The following GRIN2A variants were observed in gnomAD, a reference collection of about 807,000 sequenced individuals.
The protein encoded by GRIN2A is glutamate ionotropic receptor NMDA type subunit 2A, also known as glutamate receptor ionotropic, NMDA 2A.
GRIN2A carries 22 observed loss-of-function variants against 113.4 expected under a neutral mutation model. That is an observed-to-expected ratio of 0.19 (90% CI 0.14 to 0.28). The LOEUF (loss-of-function observed/expected upper bound fraction) is 0.28. GRIN2A is among the 10% of genes least tolerant of loss of function. GRIN2A has a pLI of 1.00. For missense variants in GRIN2A, 1,502 were observed against 1,887.0 expected (o/e 0.80, Z 3.78); for synonymous variants, 827 against 738.4 (o/e 1.12, Z -1.94).
intron 11 of GRIN2A, among the ~76,000 whole-genome samples, chr16:9,782,522 C>G (rs1020789940): frequency 1.9e-4 from 29 of 152,164 alleles, no homozygotes; most frequent in Admixed American, 2.6e-4. Context: ...ATAAATTTTG[C>G]ACGAGCCTAT....
intron 4 of GRIN2A, among the ~76,000 whole-genome samples, chr16:9,859,641 CACAG>C (rs1025790172): frequency 6.6e-5 from 10 of 150,794 alleles, no homozygotes; most frequent in African/African-American, 2.5e-4. Context: ...CACACACACA[CACAG>C]AGAGGATATG....
intron 7 of GRIN2A, among the ~76,000 whole-genome samples, chr16:9,839,233 A>C (rs1474869990): frequency 1.3e-5 from 2 of 152,192 alleles, no homozygotes; most frequent in Admixed American, 6.5e-5. Flanking sequence ...TATGATAACC[A>C]AACAGTTAAT....
chr16:9,885,160 C>T (rs139640904), intron 4 of GRIN2A, among the ~76,000 whole-genome samples: 1 of 152,242 alleles, frequency 6.6e-6, no homozygotes, highest in African/African-American at 2.4e-5. Flanking sequence ...TAGTTTCCTA[C>T]ACATCCTTGT....
At chr16:10,095,748 G>C (rs2048276915) in intron 2 of GRIN2A, among the ~76,000 whole-genome samples, 1 of 152,124 alleles carries the variant, frequency 6.6e-6, no homozygotes, top group African/African-American at 2.4e-5. Context: ...TTACAGTAGA[G>C]ACTGCAGATA....
intron 2 of GRIN2A, among the ~76,000 whole-genome samples, chr16:10,129,939 T>G (rs1429067624): frequency 2.6e-5 from 4 of 152,208 alleles, no homozygotes; most frequent in Admixed American, 1.3e-4. Flanking sequence ...GAAGCATGTT[T>G]CATGGATCTG....
At position 9,765,827 on chromosome 16, in the gene GRIN2A, G is replaced by A. The variant is rs564449728; in HGVS notation, c.2596-879C>T. On this transcript the variant is annotated intron_variant, in intron 12 of 12. Coordinates refer to ENST00000330684, the MANE Select transcript of GRIN2A (RefSeq NM_001134407.3). Reference sequence around the variant, plus strand: ...CACAGTGAAGAGTTCTGATGACACAGTGACACCGCCTTTAAATCCATCCAG... The same window carrying A: ...CACAGTGAAGAGTTCTGATGACACAATGACACCGCCTTTAAATCCATCCAG... Among the ~76,000 whole-genome samples, 6 of 152,328 alleles carry A rather than the reference G, an allele frequency of 3.9e-5. No homozygotes were observed. In the South Asian group the frequency reaches 1.2e-3, roughly 32 times the overall value.
chr16:9,777,005 G>A (rs529842653), intron 11 of GRIN2A, among the ~76,000 whole-genome samples: 2 of 152,150 alleles, frequency 1.3e-5, no homozygotes, highest in Non-Finnish European at 2.9e-5. Flanking sequence ...AGGAAGTTGT[G>A]TATCAGATTT....
At chr16:9,967,657 GAT>G (rs1355622866) in intron 2 of GRIN2A, among the ~76,000 whole-genome samples, 1 of 152,144 alleles carries the variant, frequency 6.6e-6, no homozygotes. Context: ...AGTGAGCCAA[GAT>G]CGCACCATTG....
Position 9,757,871 on chromosome 16 carries a change from CAAAAACA to C in GRIN2A, c.*5271_*5277del, listed in dbSNP as rs1194490494. 4.4e-6 allele frequency: 1 copy of C among 225,874 alleles called. No individual in the cohort carries two copies. The highest frequency in any genetic ancestry group is 6.3e-5 in the East Asian group (1 of 15,926). The allele number at this position is 225,874 out of a possible 1,614,324, so 14.0% of individuals were successfully genotyped here. A position where few individuals can be genotyped will look rare whatever the true frequency, so the allele number is the denominator to read the frequency against. ...GGGTAGGTCTTTCTGGGGCAAGTGG[CAAAAACA>C]AAAAACAAAACAAAACAAAAACCAG... On this transcript the variant is annotated 3_prime_UTR_variant, in exon 13 of 13. Transcript: ENST00000330684.
intron 7 of GRIN2A, among the ~76,000 whole-genome samples, chr16:9,837,153 A>G (rs967048689): frequency 1.3e-5 from 2 of 152,196 alleles, no homozygotes; most frequent in Admixed American, 6.6e-5. Flanking sequence ...AATGTAGCTT[A>G]GCTGGTTCAT....
intron 2 of GRIN2A, among the ~76,000 whole-genome samples, chr16:10,131,094 G>C (rs1312730438): frequency 1.3e-5 from 2 of 152,230 alleles, no homozygotes; most frequent in Non-Finnish European, 2.9e-5. Flanking sequence ...AAGATTTCAA[G>C]AGCTGGCATG....
chr16:10,062,262 T>C (rs149971350), intron 2 of GRIN2A, among the ~76,000 whole-genome samples: 233 of 152,342 alleles, frequency 1.5e-3, no homozygotes, highest in African/African-American at 4.9e-3. Flanking sequence ...ACCCCTGCTG[T>C]TGTAGTAAAA....
chr16:10,099,946 G>T (rs1452909225), intron 2 of GRIN2A, among the ~76,000 whole-genome samples: 1 of 126,500 alleles, frequency 7.9e-6, no homozygotes. Context: ...CAGGGAGGCA[G>T]GAGTTAGTCA....
chr16:9,754,523 C>A lies in GRIN2A; in HGVS notation c.*8626G>T, dbSNP rs886052515. The A allele has an allele frequency of 4.7e-6, 1 of 212,350 alleles. No homozygotes were observed. Among genetic ancestry groups the A allele is most frequent in the South Asian group, 1.9e-4 (1 of 5,340 alleles). 13.2% of individuals were successfully genotyped at this position (212,350 alleles called of 1,614,324 possible). On this transcript the variant is annotated 3_prime_UTR_variant, in exon 13 of 13. Coordinates refer to ENST00000330684, the MANE Select transcript of GRIN2A (RefSeq NM_001134407.3). ...TTTCAAATTCATCAAAAATTTCAAA[C>A]AAGATCACCTGGATTTGGCTCAAAT...
intron 2 of GRIN2A, among the ~76,000 whole-genome samples, chr16:9,986,764 C>CAAAAAAA (rs3065539): frequency 8.9e-6 from 1 of 112,054 alleles, no homozygotes; most frequent in African/African-American, 3.5e-5. Flanking sequence ...GACGCTGTCT[C>CAAAAAAA]AAAAAAAAAA....
At chr16:9,845,724 GCTT>G (rs1365263003) in intron 5 of GRIN2A, among the ~76,000 whole-genome samples, 1 of 152,122 alleles carries the variant, frequency 6.6e-6, no homozygotes, top group Non-Finnish European at 1.5e-5. Flanking sequence ...CACATGTCTG[GCTT>G]CTTCTCATCC....
At chr16:10,081,744 C>T (rs2047987044) in intron 2 of GRIN2A, among the ~76,000 whole-genome samples, 2 of 152,164 alleles carry the variant, frequency 1.3e-5, no homozygotes, top group African/African-American at 4.8e-5. Flanking sequence ...CTCTCCAATA[C>T]CTGCCTGTTT....
intron 4 of GRIN2A, among the ~76,000 whole-genome samples, chr16:9,856,486 A>AT (rs1487544466): frequency 6.6e-6 from 1 of 151,900 alleles, no homozygotes; most frequent in African/African-American, 2.4e-5. Context: ...TTTGCCGGGC[A>AT]TGGTGGTAGG....
At position 10,054,420 on chromosome 16, in the gene GRIN2A, G is replaced by T. The variant is rs531579677; in HGVS notation, c.415-115869C>A. ...CAAAGATTTAAAGAGATATAAGAAG[G>T]TTGCAACTTTTCATTCCTTGCTGTG... On this transcript the variant is annotated intron_variant, in intron 2 of 12. Coordinates refer to ENST00000330684, the MANE Select transcript of GRIN2A (RefSeq NM_001134407.3). Among the ~76,000 whole-genome samples the T allele has an allele frequency of 3.3e-5, 5 of 152,266 alleles. No individual in the cohort carries two copies. In the South Asian group the frequency reaches 1.0e-3, roughly 32 times the overall value.
Sources: gnomAD v4.1 joint callset for allele counts (sites outside exome capture counted in the v4.1 genomes callset) on GRCh38, gnomAD v4.1.1 for gene constraint, MANE v1.5 for transcripts, NCBI Gene and HGNC (gene_info 2026-07-23, HGNC 2026-07-21) for gene names.